RGPD4: variants seen among roughly 807,000 people sequenced by gnomAD.
RGPD4 encodes the protein RANBP2 like and GRIP domain containing 4.
RGPD4 carries 84 observed loss-of-function variants against 141.1 expected under a neutral mutation model. The ratio of observed to expected loss-of-function variants is 0.60; its 90% CI spans 0.50 to 0.71. The LOEUF (loss-of-function observed/expected upper bound fraction) is 0.71. Ranked by LOEUF, RGPD4 falls within the 30% of genes least tolerant of loss-of-function variation. The pLI, the probability that RGPD4 is intolerant of heterozygous loss-of-function variation, is 0.00. For synonymous variants in RGPD4, 298 were observed against 566.8 expected (o/e 0.53, Z 6.74); for missense variants, 918 against 1,622.4 (o/e 0.57, Z 7.46).
rs970556333 is a variant in RGPD4, at chr2:107,880,893, T to C, written c.5064+786T>C. Among the ~76,000 whole-genome samples the C allele has an allele frequency of 6.3e-4, 95 of 151,484 alleles. 3 individuals carry two copies. The highest frequency in any genetic ancestry group is 2.2e-3 in the African/African-American group (91 of 40,942). On this transcript the variant is annotated intron_variant, in intron 21 of 22. Transcript: ENST00000408999. The stretch of plus-strand genomic sequence containing the variant: ...TTACTCAAATGAGGTATTTCCACCC[T>C]GGCTCACTGATAAATCACCCCTCAG...
intron 7 of RGPD4, 27 bp downstream of exon 7, chr2:107,848,563 C>G (rs1682029089): frequency 1.7e-5 from 2 of 116,492 alleles, no homozygotes; most frequent in Admixed American, 4.2e-4. Flanking sequence ...GAGCAATTGA[C>G]ATTTCACGGA....
At chr2:107,877,725 C>T (rs1683128327) in intron 20 of RGPD4, among the ~76,000 whole-genome samples, 1 of 151,654 alleles carries the variant, frequency 6.6e-6, no homozygotes, top group Admixed American at 6.6e-5. Flanking sequence ...GCTGTGTTAT[C>T]TAACAGTTTA....
intron 6 of RGPD4, among the ~76,000 whole-genome samples, chr2:107,845,506 G>T (rs567515468): frequency 1.3e-5 from 2 of 149,678 alleles, no homozygotes; most frequent in Admixed American, 1.3e-4. Flanking sequence ...GGTTACTTGG[G>T]GGCCTGAAGG....
At chr2:107,885,780 A>G (rs1398662736) in intron 22 of RGPD4, among the ~76,000 whole-genome samples, 3 of 152,042 alleles carry the variant, frequency 2.0e-5, no homozygotes, top group East Asian at 1.9e-4. Context: ...AAGGCCTGGC[A>G]CGGTGGCTCA....
chr2:107,854,713 A>C, intron 8 of RGPD4, 70 bp downstream of exon 8: 2 of 1,575,910 alleles, frequency 1.3e-6, no homozygotes, highest in Non-Finnish European at 1.7e-6. Flanking sequence ...ATCTTATGAT[A>C]AAATCTCCAT....
Position 107,871,711 on chromosome 2 carries a change from T to C in RGPD4, c.3707T>C (p.Ile1236Thr). 1 of 1,610,208 alleles carries C rather than the reference T, an allele frequency of 6.2e-7. No homozygotes were observed. The highest frequency in any genetic ancestry group is 2.2e-5 in the East Asian group (1 of 44,872). Residue 1236 changes from isoleucine (I) to threonine (T), a missense_variant, in exon 20 of 23, where the codon ATA (isoleucine) becomes ACA (threonine). Physicochemically the swap from Ile to Thr is moderately conservative, Grantham distance 89. Coordinates refer to ENST00000408999, the MANE Select transcript of RGPD4 (RefSeq NM_182588.3). ...TGAAGASDTT[I>T]KPNPENTGPT... ...GCGGCCGGTGCCTCAGACACAACAA[T>C]AAAACCCAATCCTGAAAACACTGGG...
chr2:107,831,366 T>C (rs1304714830), intron 1 of RGPD4, among the ~76,000 whole-genome samples: 10 of 144,046 alleles, frequency 6.9e-5, no homozygotes, highest in Non-Finnish European at 1.5e-4. Context: ...TCTTGCTATG[T>C]TGCTCATCAA....
rs1681203127 is a variant in RGPD4, at chr2:107,826,946, T to G, written c.-68T>G. 3 of 1,553,282 alleles carry G rather than the reference T, an allele frequency of 1.9e-6. No individual in the cohort carries two copies. The highest frequency in any genetic ancestry group is 2.6e-6 in the Non-Finnish European group (3 of 1,149,140). On this transcript the variant is annotated 5_prime_UTR_variant, in exon 1 of 23. Transcript: ENST00000408999. ...CAGTGGCTTTCAGGCGCTTTCCTGT[T>G]GGAATTGGCGACTGCTGCGGGGCTG...
Position 107,827,059 on chromosome 2 carries a change from C to T in RGPD4, c.46C>T (p.Gln16Ter), listed in dbSNP as rs764262960. 1.9e-6 allele frequency: 3 copies of T among 1,594,114 alleles called. No homozygotes were observed. Among genetic ancestry groups the T allele is most frequent in the Admixed American group, 3.5e-5 (2 of 57,798 alleles). ...CGGGGAGCGGTACGTCGCCTCCGTG[C>T]AGGGCTCCGCCCCGTCGCCTCGAAA... ...AYGERYVASV[Q>*]GSAPSPRKKS... Residue 16 changes from glutamine (Q) to a stop codon, truncating the protein, a stop_gained, in exon 1 of 23, where the codon CAG becomes TAG. Transcript: ENST00000408999. LOFTEE classifies it high-confidence loss of function.
intron 21 of RGPD4, among the ~76,000 whole-genome samples, chr2:107,881,289 C>A (rs1280737715): frequency 2.0e-5 from 3 of 149,814 alleles, no homozygotes; most frequent in Admixed American, 6.7e-5. Flanking sequence ...CTAACTAGCC[C>A]AGTAAACCTA....
chr2:107,850,740 G>A (rs1682093281), intron 7 of RGPD4, among the ~76,000 whole-genome samples: 1 of 22,578 alleles, frequency 4.4e-5, no homozygotes, highest in African/African-American at 1.7e-4. Context: ...TCCGCCTCCT[G>A]GGTTCACGCC....
chr2:107,828,716 GGGCGGCGGCGGCCTCGACCTGGCCC>G (rs1558785609), intron 1 of RGPD4, among the ~76,000 whole-genome samples: 2 of 28,054 alleles, frequency 7.1e-5, no homozygotes, highest in East Asian at 1.1e-3. Context: ...CGACCTGGCC[GGGCGGCGGCGGCCTCGACCTGGCCC>G]GGCGGCTGCC....
intron 22 of RGPD4, among the ~76,000 whole-genome samples, chr2:107,885,877 AC>A (rs1215911417): frequency 6.6e-6 from 1 of 151,680 alleles, no homozygotes; most frequent in African/African-American, 2.4e-5. Flanking sequence ...ACATGGTGAA[AC>A]CCCGTCTCTA....
At chr2:107,849,390 G>A (rs1448912472) in intron 7 of RGPD4, among the ~76,000 whole-genome samples, 1 of 115,454 alleles carries the variant, frequency 8.7e-6, no homozygotes. Flanking sequence ...TTTTTGAGAC[G>A]GAGTCTCGCT....
chr2:107,884,383 A>G lies in RGPD4; in HGVS notation c.5266+1510A>G, dbSNP rs186883073. ...CCAAAGTGCTGGGATTACAGGTGTG[A>G]GACACCACGCCCGGCCATTTTGTTG... On this transcript the variant is annotated intron_variant, in intron 22 of 22. Coordinates refer to ENST00000408999, the MANE Select transcript of RGPD4 (RefSeq NM_182588.3). 3.5e-3 allele frequency among the ~76,000 whole-genome samples: 534 copies of G among 152,352 alleles called. 4 individuals carry two copies. The highest frequency in any genetic ancestry group is 0.012 in the African/African-American group (495 of 41,568).
chr2:107,880,569 C>T (rs1454029126), intron 21 of RGPD4, among the ~76,000 whole-genome samples: 1 of 151,596 alleles, frequency 6.6e-6, no homozygotes, highest in Non-Finnish European at 1.5e-5. Context: ...AGCCAAAATA[C>T]TTCTTTTACA....
intron 22 of RGPD4, among the ~76,000 whole-genome samples, chr2:107,886,683 A>G (rs1675522396): frequency 6.6e-6 from 1 of 152,092 alleles, no homozygotes; most frequent in African/African-American, 2.4e-5. Flanking sequence ...GCATTTTGTT[A>G]CCAAGGCCTT....
intron 22 of RGPD4, among the ~76,000 whole-genome samples, chr2:107,887,179 C>T (rs559109828): frequency 6.6e-6 from 1 of 152,092 alleles, no homozygotes; most frequent in South Asian, 2.1e-4. Flanking sequence ...GAGTTCGAGG[C>T]TGCAGTCGAA....
intron 1 of RGPD4, among the ~76,000 whole-genome samples, chr2:107,827,733 G>T (rs1333254133): frequency 1.9e-5 from 1 of 52,496 alleles, no homozygotes; most frequent in Non-Finnish European, 3.9e-5. Context: ...GGCCTCGATG[G>T]CTCAGGCGTC....
Sources: allele counts gnomAD v4.1 joint callset (sites outside exome capture counted in the v4.1 genomes callset), GRCh38; gene constraint gnomAD v4.1.1; transcripts MANE v1.5; gene names NCBI Gene and HGNC (gene_info 2026-07-23, HGNC 2026-07-21).